The following GRHPR variants were observed in gnomAD, a reference collection of about 807,000 sequenced individuals.
GRHPR encodes the protein glyoxylate and hydroxypyruvate reductase.
Under a neutral mutation model 36.8 loss-of-function variants are expected in GRHPR, and 35 were observed. The observed-to-expected ratio is 0.95, with a 90% confidence interval of 0.73 to 1.26. GRHPR has a LOEUF of 1.26. Ranked by LOEUF, GRHPR falls within the 50% of genes most tolerant of loss-of-function variation. The pLI is 0.00. For missense variants in GRHPR, 380 were observed against 435.0 expected (o/e 0.87, Z 1.12); for synonymous variants, 179 against 181.0 (o/e 0.99, Z 0.09).
intron 8 of GRHPR, chr9:37,434,542 C>A: frequency 5.7e-6 from 2 of 353,012 alleles, no homozygotes; most frequent in East Asian, 5.7e-5. Flanking sequence ...AGTAGCAGCT[C>A]CCACTGAGGC....
chr9:37,422,951 G>C, intron 1 of GRHPR, 118 bp downstream of exon 1: 1 of 717,812 alleles, frequency 1.4e-6, no homozygotes, highest in South Asian at 1.8e-5. Flanking sequence ...GGGGAGTCTC[G>C]GAGAAAGTTC....
At position 37,431,218 on chromosome 9, in the gene GRHPR, A is replaced by G. The variant is rs187055796; in HGVS notation, c.734+572A>G. ...GGTGCCCCTTGAGCCTGTTTACATC[A>G]GTTTAGGGGAAGGGGGATTGGGTGA... On this transcript the variant is annotated intron_variant, in intron 7 of 8. Transcript: ENST00000318158. 2.8e-5 allele frequency: 10 copies of G among 355,076 alleles called. No homozygotes were observed. In the East Asian group the frequency reaches 3.0e-4, roughly 11 times the overall value. The allele number at this position is 355,076 out of a possible 1,614,324, so 22.0% of individuals were successfully genotyped here. A position where few individuals can be genotyped will look rare whatever the true frequency, so the allele number is the denominator to read the frequency against.
chr9:37,436,495 G>T (rs1381876876), intron 8 of GRHPR, among the ~76,000 whole-genome samples, 166 bp from the exon 9 acceptor site: 1 of 152,162 alleles, frequency 6.6e-6, no homozygotes, highest in Non-Finnish European at 1.5e-5. Context: ...CTCAGCTCTG[G>T]GGGAGTGTCA....
chr9:37,436,623 CCTT>C lies in GRHPR; in HGVS notation c.866-34_866-32del, dbSNP rs566179364. ...GCCCAGCTGAAGGCTGCTGAACCAC[CCTT>C]CTTATCTCCCTCTCTCTCTCTCTCT... On this transcript the variant is annotated intron_variant, in intron 8 of 8. Transcript: ENST00000318158. 4.4e-4 allele frequency: 703 copies of C among 1,610,990 alleles called. 2 individuals carry two copies. The highest frequency in any genetic ancestry group is 1.2e-3 in the African/African-American group (87 of 74,536).
intron 4 of GRHPR, chr9:37,427,951 G>A (rs945977593): frequency 1.7e-5 from 3 of 171,512 alleles, no homozygotes; most frequent in Non-Finnish European, 3.8e-5. Context: ...GTGGCCAGCA[G>A]CGTGGGCCCC....
chr9:37,423,543 C>G (rs1471010079), intron 1 of GRHPR, among the ~76,000 whole-genome samples: 8 of 152,114 alleles, frequency 5.3e-5, no homozygotes, highest in Non-Finnish European at 1.2e-4. Context: ...ACCATTATAC[C>G]TCACTGCAGC....
At chr9:37,425,884 C>T (rs1389767090) in intron 2 of GRHPR, 38 bp from the exon 3 acceptor site, 8 of 1,466,422 alleles carry the variant, frequency 5.5e-6, no homozygotes, top group African/African-American at 4.2e-5. Context: ...TTGAGTTCCT[C>T]GAGGAAAGAT....
At chr9:37,425,088 C>T in intron 2 of GRHPR, 113 bp downstream of exon 2, 3 of 1,095,786 alleles carry the variant, frequency 2.7e-6, no homozygotes, top group Non-Finnish European at 4.0e-6. Context: ...GAGGGCGTTT[C>T]CTGCGATACC....
In GRHPR at chr9:37,429,586, C is replaced by G. The variant is rs908973343; in HGVS notation, c.494-146C>G. 19 of 740,856 alleles carry G rather than the reference C, an allele frequency of 2.6e-5. No individual in the cohort carries two copies. The East Asian group carries it at 4.5e-4, about 18-fold the overall frequency. The allele number at this position is 740,856 out of a possible 1,614,324, so 45.9% of individuals were successfully genotyped here. A position where few individuals can be genotyped will look rare whatever the true frequency, so the allele number is the denominator to read the frequency against. Reference sequence around the variant, plus strand: ...AGTTACAGTGGGGCAGCCAGCCCCCCACCCGCTTTGGAGGAGACAGGAGCA... The same window carrying G: ...AGTTACAGTGGGGCAGCCAGCCCCCGACCCGCTTTGGAGGAGACAGGAGCA... On this transcript the variant is annotated intron_variant, in intron 5 of 8. Coordinates refer to ENST00000318158, the MANE Select transcript of GRHPR (RefSeq NM_012203.2).
chr9:37,428,963 C>T (rs966981766), intron 5 of GRHPR: 16 of 361,750 alleles, frequency 4.4e-5, no homozygotes, highest in African/African-American at 2.8e-4. Flanking sequence ...TAACTCGGGC[C>T]GGAGGGCTCA....
chr9:37,429,330 A>G (rs577734946), intron 5 of GRHPR: 169 of 285,842 alleles, frequency 5.9e-4, no homozygotes, highest in Non-Finnish European at 1.0e-3. Context: ...AAAAAGTCAA[A>G]TGGGGTCTGA....
rs309458 is a variant in GRHPR at position 37,429,817 on chromosome 9, A to G, written c.579A>G (p.Ala193=). The G allele has an allele frequency of 0.9, 1,448,834 of 1,602,214 alleles. 656,388 individuals carry two copies. The highest frequency in any genetic ancestry group is 0.93 in the Middle Eastern group (5,613 of 6,046). The change falls in exon 6 of 9, where the codon GCA becomes GCG. Residue 193 remains alanine, a synonymous_variant. Coordinates refer to ENST00000318158, the MANE Select transcript of GRHPR (RefSeq NM_012203.2). ...GCCAGCCCAGGCCTGAGGAAGCAGC[A>G]GAATTCCAGGCAGAGTTTGGTAAGT... is the stretch of plus-strand genomic sequence containing the variant. The part of the protein sequence containing the change: ...TGRQPRPEEA[A]EFQAEFVSTP...
intron 3 of GRHPR, 48 bp downstream of exon 3, chr9:37,426,042 A>G (rs1823062050): frequency 2.4e-6 from 3 of 1,259,062 alleles, no homozygotes; most frequent in Non-Finnish European, 3.5e-6. Context: ...AGGGGTGGCT[A>G]TGAGAGAAAG....
At chr9:37,430,706 C>G in intron 7 of GRHPR, 60 bp downstream of exon 7, 5 of 1,526,690 alleles carry the variant, frequency 3.3e-6, no homozygotes, top group Non-Finnish European at 4.5e-6. Flanking sequence ...CTGCTGCCAT[C>G]TGGAGATTTT....
rs1255258466 is a variant in GRHPR, at chr9:37,432,012, G to C, written c.739G>C (p.Asp247His). Residue 247 changes from aspartate (D) to histidine (H), a missense_variant, in exon 8 of 9, where the codon GAC becomes CAC. Transcript: ENST00000318158. Reference protein sequence around the residue: ...TAVFINISRGDVVNQDDLYQA... With the variant: ...TAVFINISRGHVVNQDDLYQA... ...TGTCACCACTGTCATTCCCAGGGGC[G>C]ACGTCGTAAACCAGGACGACCTGTA... 1 of 1,614,000 alleles carries C rather than the reference G, an allele frequency of 6.2e-7. No individual in the cohort carries two copies. Among genetic ancestry groups the C allele is most frequent in the Non-Finnish European group, 8.5e-7 (1 of 1,179,966 alleles).
chr9:37,433,745 G>A (rs1823493405), intron 8 of GRHPR: 1 of 230,286 alleles, frequency 4.3e-6, no homozygotes, highest in African/African-American at 2.3e-5. Context: ...TTAACAACTT[G>A]ATGCGTAGTT....
intron 1 of GRHPR, among the ~76,000 whole-genome samples, chr9:37,423,961 G>A (rs936535091): frequency 1.1e-4 from 16 of 152,320 alleles, no homozygotes; most frequent in African/African-American, 2.6e-4. Context: ...GAGGAGCTGG[G>A]GCTTGTACTC....
rs1202026080 is a variant in GRHPR, at chr9:37,425,919, C to T, written c.215-3C>T. ...TACTAACAATGCACTTTCTGCACAA[C>T]AGGGGCCAATCTCAAAGTCATCAGC... On this transcript the variant is annotated splice_region_variant and splice_polypyrimidine_tract_variant and intron_variant, in intron 2 of 8. Transcript: ENST00000318158. The T allele has an allele frequency of 2.5e-6, 4 of 1,610,298 alleles. No homozygotes were observed. In the South Asian group the frequency reaches 3.3e-5, roughly 13 times the overall value.
Position 37,424,941 on chromosome 9 carries a change from C to T in GRHPR, c.180C>T (p.Ser60=), listed in dbSNP as rs139689525. Residue 60 remains serine (S), a synonymous_variant, in exon 2 of 9, where the codon TCC becomes TCT. Coordinates refer to ENST00000318158, the MANE Select transcript of GRHPR (RefSeq NM_012203.2). ...AGAHGLLCLL[S]DHVDKRILDA... is the part of the protein sequence containing the mutation. ...CCCACGGCCTGCTCTGCCTCCTCTC[C>T]GACCACGTGGACAAGAGGATCCTGG... 5.5e-5 allele frequency: 89 copies of T among 1,612,472 alleles called. No homozygotes were observed. Among genetic ancestry groups the T allele is most frequent in the African/African-American group, 1.3e-4 (10 of 74,936 alleles).
Sources: allele counts gnomAD v4.1 joint callset (sites outside exome capture counted in the v4.1 genomes callset), GRCh38; gene constraint gnomAD v4.1.1; transcripts MANE v1.5; gene names NCBI Gene and HGNC (gene_info 2026-07-23, HGNC 2026-07-21).